Variants in MACROD2 observed in about 807,000 individuals in gnomAD.
MACROD2 encodes mono-ADP ribosylhydrolase 2, also known as ADP-ribose glycohydrolase MACROD2.
In MACROD2, 36 loss-of-function variants were observed where a neutral mutation model predicts 70.4. That is an observed-to-expected ratio of 0.51 (90% confidence interval 0.39 to 0.68). MACROD2 has a LOEUF of 0.68. MACROD2 is among the 30% of genes least tolerant of loss of function. The pLI, the probability that MACROD2 is intolerant of heterozygous loss-of-function variation, is 0.00. For synonymous variants in MACROD2, 172 were observed against 178.8 expected (o/e 0.96, Z 0.30); for missense variants, 496 against 538.4 (o/e 0.92, Z 0.78).
intron 3 of MACROD2, among the ~76,000 whole-genome samples, chr20:14,299,861 G>T (rs1225463067): frequency 6.6e-6 from 1 of 152,102 alleles, no homozygotes; most frequent in Admixed American, 6.6e-5. Flanking sequence ...GATATATACA[G>T]AGAAAGACCA....
At chr20:14,795,451 G>T (rs549349145) in intron 5 of MACROD2, among the ~76,000 whole-genome samples, 1 of 151,994 alleles carries the variant, frequency 6.6e-6, no homozygotes. Flanking sequence ...AAGGATTTAC[G>T]AATGCTTCCT....
intron 5 of MACROD2, chr20:14,757,654 C>T (rs773082849): frequency 6.3e-6 from 8 of 1,267,926 alleles, no homozygotes; most frequent in Non-Finnish European, 9.2e-6. Flanking sequence ...TGCCTAAGCA[C>T]CTGGAGCTGT....
rs115701878 is a variant in MACROD2, at chr20:15,469,466, G to A, written c.572-30308G>A. Among the ~76,000 whole-genome samples the A allele has an allele frequency of 7.4e-3, 1,132 of 152,262 alleles. 14 individuals carry two copies. Among genetic ancestry groups the A allele is most frequent in the African/African-American group, 0.026 (1,086 of 41,550 alleles). ...GGTAGTGAGATCAATGTCAAGCTAC[G>A]GAGGGCCTGGGATCCACAAAGATGA... On this transcript the variant is annotated intron_variant, in intron 7 of 17. Coordinates refer to ENST00000684519, the MANE Select transcript of MACROD2 (RefSeq NM_001351661.2).
At position 14,067,038 on chromosome 20, in the gene MACROD2, C is replaced by T. The variant is rs769488970; in HGVS notation, c.164-18583C>T. ...TTGTTAGCCAGGATGGTCTCAATCT[C>T]CTGACCTCGTGATCCGCCCGTCTCG... On this transcript the variant is annotated intron_variant, in intron 2 of 17. Transcript: ENST00000684519. Among the ~76,000 whole-genome samples, 61 of 150,968 alleles carry T rather than the reference C, an allele frequency of 4.0e-4. 1 individual carries two copies. The highest frequency in any genetic ancestry group is 8.0e-4 in the Non-Finnish European group (54 of 67,888).
chr20:15,460,680 T>C (rs1436559682), intron 7 of MACROD2, among the ~76,000 whole-genome samples: 2 of 152,104 alleles, frequency 1.3e-5, no homozygotes, highest in African/African-American at 4.8e-5. Context: ...ATGTAAACAA[T>C]TCCTTCTATT....
intron 13 of MACROD2, among the ~76,000 whole-genome samples, chr20:15,984,054 A>G (rs1352491175): frequency 6.6e-6 from 1 of 152,126 alleles, no homozygotes; most frequent in Non-Finnish European, 1.5e-5. Flanking sequence ...AATTTTAATA[A>G]AACCTTGTAG....
At position 15,911,919 on chromosome 20, in the gene MACROD2, T is replaced by C. The variant is rs184912862; in HGVS notation, c.776-21357T>C. Among the ~76,000 whole-genome samples the C allele has an allele frequency of 2.0e-4, 31 of 152,304 alleles. No individual in the cohort carries two copies. In the East Asian group the frequency reaches 5.8e-3, roughly 28 times the overall value. On this transcript the variant is annotated intron_variant, in intron 10 of 17. Transcript: ENST00000684519. ...TACTCAGGAGGCTGAGGCAGGAGAA[T>C]CGCTTGAACCCCGGAGGCAGAGGTT...
intron 6 of MACROD2, among the ~76,000 whole-genome samples, chr20:15,307,233 A>G (rs2077706771): frequency 6.6e-6 from 1 of 152,176 alleles, no homozygotes; most frequent in Non-Finnish European, 1.5e-5. Context: ...GCAGAAACAC[A>G]GGCTATAGTA....
At chr20:15,417,912 C>T (rs2046177255) in intron 6 of MACROD2, among the ~76,000 whole-genome samples, 1 of 152,188 alleles carries the variant, frequency 6.6e-6, no homozygotes, top group African/African-American at 2.4e-5. Context: ...ACGGTTTTCA[C>T]ACTGTGGATG....
chr20:14,256,134 A>G (rs1169426172), intron 3 of MACROD2, among the ~76,000 whole-genome samples: 4 of 151,948 alleles, frequency 2.6e-5, no homozygotes, highest in Non-Finnish European at 2.9e-5. Context: ...TTTATGCCTA[A>G]ATCTGTCCGT....
intron 5 of MACROD2, among the ~76,000 whole-genome samples, chr20:15,035,914 G>C (rs924982056): frequency 1.3e-5 from 2 of 151,886 alleles, no homozygotes; most frequent in African/African-American, 4.8e-5. Context: ...TCTTTTAGGA[G>C]ATCTGGTGTC....
At chr20:14,798,867 C>T (rs1185732557) in intron 5 of MACROD2, among the ~76,000 whole-genome samples, 1 of 151,820 alleles carries the variant, frequency 6.6e-6, no homozygotes, top group Non-Finnish European at 1.5e-5. Context: ...TGTTTTAAAT[C>T]TTTCTACTAA....
intron 4 of MACROD2, among the ~76,000 whole-genome samples, chr20:14,632,167 G>T (rs1197349528): frequency 6.6e-6 from 1 of 151,958 alleles, no homozygotes; most frequent in Non-Finnish European, 1.5e-5. Context: ...TAGTGTGAAT[G>T]ATGCTTCTCT....
At chr20:15,441,506 C>T (rs903157044) in intron 7 of MACROD2, among the ~76,000 whole-genome samples, 1 of 152,070 alleles carries the variant, frequency 6.6e-6, no homozygotes, top group Non-Finnish European at 1.5e-5. Flanking sequence ...TGTTCTGTTC[C>T]AGATGAACAA....
chr20:15,847,713 A>G (rs1008913423), intron 8 of MACROD2, among the ~76,000 whole-genome samples: 1 of 152,190 alleles, frequency 6.6e-6, no homozygotes. Flanking sequence ...ACCCTCTACT[A>G]AAATAATCTT....
At chr20:14,350,494 T>C (rs920808903) in intron 3 of MACROD2, among the ~76,000 whole-genome samples, 1 of 152,184 alleles carries the variant, frequency 6.6e-6, no homozygotes. Flanking sequence ...TGCTTTGCAT[T>C]TCCCTGATGA....
chr20:14,215,172 AT>A (rs1233488119), intron 3 of MACROD2, among the ~76,000 whole-genome samples: 1 of 147,394 alleles, frequency 6.8e-6, no homozygotes, highest in African/African-American at 2.6e-5. Context: ...TCATATATAT[AT>A]TTTCCATCAT....
chr20:15,192,080 C>T (rs976152460), intron 5 of MACROD2, among the ~76,000 whole-genome samples: 6 of 151,464 alleles, frequency 4.0e-5, no homozygotes, highest in African/African-American at 9.7e-5. Flanking sequence ...CTCTCTCTCT[C>T]CATATATATT....
At chr20:15,568,408 A>G (rs567749987) in intron 8 of MACROD2, among the ~76,000 whole-genome samples, 2 of 152,326 alleles carry the variant, frequency 1.3e-5, no homozygotes, top group East Asian at 3.9e-4. Flanking sequence ...GACTAGACAC[A>G]CAGAGACTTT....
Sources: gnomAD v4.1 joint callset for allele counts (sites outside exome capture counted in the v4.1 genomes callset) on GRCh38, gnomAD v4.1.1 for gene constraint, MANE v1.5 for transcripts, NCBI Gene and HGNC (gene_info 2026-07-23, HGNC 2026-07-21) for gene names.